The following KCNIP1 variants were observed in gnomAD, a reference collection of about 807,000 sequenced individuals.
KCNIP1 encodes the protein A-type potassium channel modulatory protein KCNIP1.
Under a neutral mutation model 33.0 loss-of-function variants are expected in KCNIP1, and 18 were observed. The ratio of observed to expected loss-of-function variants is 0.55; its 90% CI spans 0.38 to 0.81. The LOEUF (loss-of-function observed/expected upper bound fraction) is 0.81. Ranked by LOEUF, KCNIP1 falls within the 30% of genes least tolerant of loss-of-function variation. The pLI is 0.00. For synonymous variants in KCNIP1, 93 were observed against 98.3 expected, an observed-to-expected ratio of 0.95 and a Z score of 0.32; for missense variants, 238 against 271.6, an observed-to-expected ratio of 0.88 and a Z score of 0.87.
At chr5:170,650,184 C>CA (rs779853926) in intron 1 of KCNIP1, among the ~76,000 whole-genome samples, 52 of 152,160 alleles carry the variant, frequency 3.4e-4, no homozygotes, top group Non-Finnish European at 4.7e-4. Context: ...AATTGAAATA[C>CA]AAAAAAATTG....
intron 1 of KCNIP1, among the ~76,000 whole-genome samples, chr5:170,369,194 C>T (rs1240466334): frequency 2.0e-5 from 3 of 152,206 alleles, no homozygotes; most frequent in East Asian, 3.8e-4. Flanking sequence ...GAAGTAGTAA[C>T]ATTAGGCAAG....
chr5:170,677,202 A>T (rs1323225721), intron 1 of KCNIP1, among the ~76,000 whole-genome samples: 1 of 152,164 alleles, frequency 6.6e-6, no homozygotes, highest in Non-Finnish European at 1.5e-5. Context: ...ACATACTGTG[A>T]ATGTCTCTGT....
At chr5:170,527,507 C>T (rs144449042) in intron 1 of KCNIP1, among the ~76,000 whole-genome samples, 8 of 152,052 alleles carry the variant, frequency 5.3e-5, no homozygotes, top group East Asian at 3.9e-4. Flanking sequence ...GGCCTGCGAA[C>T]GGCAATCTAT....
At chr5:170,618,136 T>C (rs1262589101) in intron 1 of KCNIP1, among the ~76,000 whole-genome samples, 1 of 152,170 alleles carries the variant, frequency 6.6e-6, no homozygotes, top group Non-Finnish European at 1.5e-5. Flanking sequence ...TTTGTCCCAA[T>C]TTGTCTCATT....
At chr5:170,499,687 G>GAGGCAGCAGGGAGGAAGA (rs535764391), upstream of KCNIP1, among the ~76,000 whole-genome samples, 62 of 152,342 alleles carry the variant, frequency 4.1e-4, no homozygotes, top group East Asian at 9.3e-3. Flanking sequence ...AGGGAGGAAG[G>GAGGCAGCAGGGAGGAAGA]AGGCAGCAGG....
chr5:170,579,760 T>G (rs1357939654), intron 1 of KCNIP1, among the ~76,000 whole-genome samples: 2 of 152,168 alleles, frequency 1.3e-5, no homozygotes, highest in African/African-American at 4.8e-5. Flanking sequence ...TGGCTCTTGC[T>G]TGGAGGCGGG....
chr5:170,419,994 C>T (rs1001999930), intron 1 of KCNIP1, among the ~76,000 whole-genome samples: 7 of 152,200 alleles, frequency 4.6e-5, no homozygotes, highest in Admixed American at 6.5e-5. Flanking sequence ...CTTCCCAGTG[C>T]GACCCTTCCC....
chr5:170,367,651 T>C (rs1353642096), intron 1 of KCNIP1, among the ~76,000 whole-genome samples: 1 of 152,234 alleles, frequency 6.6e-6, no homozygotes, highest in African/African-American at 2.4e-5. Flanking sequence ...TCTCTTTACA[T>C]GTCCCAGTCT....
intron 1 of KCNIP1, among the ~76,000 whole-genome samples, chr5:170,363,166 G>C (rs1763560485): frequency 1.3e-5 from 2 of 152,204 alleles, no homozygotes; most frequent in African/African-American, 4.8e-5. Context: ...GGCTTTGAGA[G>C]GCTGAATAAC....
intron 1 of KCNIP1, among the ~76,000 whole-genome samples, chr5:170,558,510 G>C (rs1335180994): frequency 1.3e-5 from 2 of 152,246 alleles, no homozygotes; most frequent in Non-Finnish European, 2.9e-5. Context: ...TAAAGATCGA[G>C]GTGGAATGGG....
At chr5:170,709,862 T>A (rs141842457) in intron 1 of KCNIP1, among the ~76,000 whole-genome samples, 9 of 152,252 alleles carry the variant, frequency 5.9e-5, no homozygotes, top group Admixed American at 3.3e-4. Flanking sequence ...TATCTGTGAT[T>A]CCATTCTTTT....
At chr5:170,600,396 T>G (rs1013218748) in intron 1 of KCNIP1, among the ~76,000 whole-genome samples, 1 of 152,188 alleles carries the variant, frequency 6.6e-6, no homozygotes, top group Non-Finnish European at 1.5e-5. Flanking sequence ...CCTTTTTTGT[T>G]TTTTTCTCAC....
intron 1 of KCNIP1, among the ~76,000 whole-genome samples, chr5:170,675,653 C>G (rs1315223450): frequency 6.6e-6 from 1 of 152,140 alleles, no homozygotes; most frequent in Non-Finnish European, 1.5e-5. Flanking sequence ...AAGTTGACAC[C>G]ACTAAAAACA....
intron 1 of KCNIP1, among the ~76,000 whole-genome samples, chr5:170,466,544 G>T (rs1255167519): frequency 6.7e-6 from 1 of 150,072 alleles, no homozygotes; most frequent in Non-Finnish European, 1.5e-5. Flanking sequence ...AAACAGAAAA[G>T]GTGTCTTAGT....
In KCNIP1 at chr5:170,391,330, T is replaced by C. The variant is rs571140077; in HGVS notation, c.88+37366T>C. On this transcript the variant is annotated intron_variant, in intron 1 of 7. Transcript: ENST00000377360. ...TAAGTTATTAAGGGCTACATATTAT[T>C]TGGAAATCATAAACAAACTTTAGCA... Among the ~76,000 whole-genome samples the C allele has an allele frequency of 2.0e-5, 3 of 151,768 alleles. No individual in the cohort carries two copies. The East Asian group carries it at 6.2e-4, about 31-fold the overall frequency.
intron 1 of KCNIP1, among the ~76,000 whole-genome samples, chr5:170,485,168 G>C (rs927268594): frequency 1.3e-5 from 2 of 152,074 alleles, no homozygotes; most frequent in African/African-American, 4.8e-5. Flanking sequence ...TCAAGCTCCC[G>C]ACCTCAGGTG....
rs528880704 is a variant in KCNIP1, at chr5:170,366,319, G to A, written c.88+12355G>A. Among the ~76,000 whole-genome samples, 271 of 152,344 alleles carry A rather than the reference G, an allele frequency of 1.8e-3. 3 individuals carry two copies. The highest frequency in any genetic ancestry group is 1.7e-3 in the Non-Finnish European group (114 of 68,034). On this transcript the variant is annotated intron_variant, in intron 1 of 7. Transcript: ENST00000377360. ...CCGGGGGCTCAACAGAGGAGGTGGA[G>A]GAGGCCTCAGACCTGGATGTCGTGG...
intron 1 of KCNIP1, among the ~76,000 whole-genome samples, chr5:170,676,109 AAG>A: frequency 7.8e-6 from 1 of 128,880 alleles, no homozygotes; most frequent in South Asian, 3.0e-4. Flanking sequence ...AGGGAGGAAG[AAG>A]GGAGGGAGGG....
At chr5:170,551,727 ATG>A (rs999035939) in intron 1 of KCNIP1, among the ~76,000 whole-genome samples, 2 of 150,904 alleles carry the variant, frequency 1.3e-5, no homozygotes, top group Non-Finnish European at 3.0e-5. Flanking sequence ...ATATGAGTGC[ATG>A]TGTTTGAGTG....
Sources: gnomAD v4.1 joint callset for allele counts (sites outside exome capture counted in the v4.1 genomes callset) on GRCh38, gnomAD v4.1.1 for gene constraint, MANE v1.5 for transcripts, NCBI Gene and HGNC (gene_info 2026-07-23, HGNC 2026-07-21) for gene names.